The following SNTG1 variants were observed in gnomAD, a reference collection of about 807,000 sequenced individuals.
SNTG1 encodes gamma-1-syntrophin.
SNTG1 carries 39 observed loss-of-function variants against 74.7 expected under a neutral mutation model. That is an observed-to-expected ratio of 0.52 (90% CI 0.40 to 0.68). SNTG1 has a LOEUF of 0.68. Among genes scored for constraint, SNTG1 ranks in the 30% least tolerant of loss-of-function variants. The probability of loss-of-function intolerance (pLI) is 0.00; values close to 1 mark genes in which losing one functional copy is unlikely to be tolerated. For synonymous variants in SNTG1, 254 were observed against 217.1 expected, an observed-to-expected ratio of 1.17 and a Z score of -1.49; for missense variants, 685 against 609.5, an observed-to-expected ratio of 1.12 and a Z score of -1.30.
At chr8:50,660,442 AG>A in intron 15 of SNTG1, among the ~76,000 whole-genome samples, 1 of 144,578 alleles carries the variant, frequency 6.9e-6, no homozygotes, top group African/African-American at 2.6e-5. Context: ...AGAAAGAAAG[AG>A]AAAAAAGAAA....
chr8:50,071,595 C>T (rs559328342), intron 1 of SNTG1, among the ~76,000 whole-genome samples: 102 of 152,108 alleles, frequency 6.7e-4, no homozygotes, highest in African/African-American at 2.2e-3. Flanking sequence ...TCTCCTGCCT[C>T]GGCCTCACGA....
intron 12 of SNTG1, among the ~76,000 whole-genome samples, chr8:50,565,559 A>G: frequency 6.6e-6 from 1 of 152,064 alleles, no homozygotes; most frequent in South Asian, 2.1e-4. Context: ...CAAACTTGTG[A>G]GATGCTTATC....
At chr8:49,988,364 T>C (rs1222344346) in intron 1 of SNTG1, among the ~76,000 whole-genome samples, 1 of 152,186 alleles carries the variant, frequency 6.6e-6, no homozygotes, top group Non-Finnish European at 1.5e-5. Context: ...AAAGCAGCTA[T>C]TATCAATATG....
At chr8:50,393,156 G>A (rs2092684881) in intron 2 of SNTG1, among the ~76,000 whole-genome samples, 2 of 151,938 alleles carry the variant, frequency 1.3e-5, no homozygotes, top group Admixed American at 1.3e-4. Context: ...TTTATCTAGG[G>A]GAAATATTTA....
At chr8:50,522,974 A>G (rs1212012962) in intron 9 of SNTG1, among the ~76,000 whole-genome samples, 1 of 152,182 alleles carries the variant, frequency 6.6e-6, no homozygotes, top group African/African-American at 2.4e-5. Flanking sequence ...ATGAAGCCGT[A>G]TTCATCATTA....
At position 50,782,102 on chromosome 8, in the gene SNTG1, G is replaced by C. The variant is rs533238412; in HGVS notation, c.1396-10569G>C. ...GTTAGTCGGATGGGCTTCCCTTTGT[G>C]GCTAACCCGACCTTTCTCTCTGGCT... is the stretch of plus-strand genomic sequence containing the variant. On this transcript the variant is annotated intron_variant, in intron 18 of 18. Coordinates refer to ENST00000642720, the MANE Select transcript of SNTG1 (RefSeq NM_018967.5). Among the ~76,000 whole-genome samples, 395 of 152,218 alleles carry C rather than the reference G, an allele frequency of 2.6e-3. 4 individuals carry two copies. Among genetic ancestry groups the C allele is most frequent in the South Asian group, 0.012 (59 of 4,820 alleles).
chr8:50,669,393 T>G, intron 15 of SNTG1, among the ~76,000 whole-genome samples: 1 of 152,050 alleles, frequency 6.6e-6, no homozygotes, highest in East Asian at 1.9e-4. Flanking sequence ...CAAACTACCA[T>G]CAGAGAATAC....
chr8:50,336,887 T>C (rs1328694229), intron 2 of SNTG1, among the ~76,000 whole-genome samples: 1 of 152,194 alleles, frequency 6.6e-6, no homozygotes, highest in Non-Finnish European at 1.5e-5. Context: ...AACCCATAGA[T>C]TGTGGCCATT....
chr8:50,032,449 C>T (rs956532779), intron 1 of SNTG1, among the ~76,000 whole-genome samples: 1 of 152,042 alleles, frequency 6.6e-6, no homozygotes, highest in African/African-American at 2.4e-5. Context: ...GAAAACAGCA[C>T]TCATGGTCTA....
intron 2 of SNTG1, among the ~76,000 whole-genome samples, chr8:50,371,752 A>G (rs2092273928): frequency 6.6e-6 from 1 of 152,182 alleles, no homozygotes; most frequent in African/African-American, 2.4e-5. Flanking sequence ...ATTACATCAC[A>G]TCTTCCTGGT....
chr8:49,949,594 G>C (rs1476753117), intron 1 of SNTG1, among the ~76,000 whole-genome samples: 4 of 152,126 alleles, frequency 2.6e-5, no homozygotes. Context: ...TTCATAGATG[G>C]ACTCAGTAAT....
chr8:50,645,547 T>C (rs1039239637), intron 13 of SNTG1, among the ~76,000 whole-genome samples: 3 of 152,140 alleles, frequency 2.0e-5, no homozygotes, highest in East Asian at 1.9e-4. Context: ...AGAAAAGACA[T>C]TGCATATAAA....
At chr8:50,769,486 G>T (rs1355746087) in intron 18 of SNTG1, among the ~76,000 whole-genome samples, 1 of 151,904 alleles carries the variant, frequency 6.6e-6, no homozygotes, top group African/African-American at 2.4e-5. Context: ...TGTTCTCATA[G>T]TAAGGTAATT....
chr8:50,063,604 T>C (rs1378273785), intron 1 of SNTG1, among the ~76,000 whole-genome samples: 1 of 152,226 alleles, frequency 6.6e-6, no homozygotes, highest in Non-Finnish European at 1.5e-5. Context: ...CCTACATTTA[T>C]GACCAAACCA....
intron 4 of SNTG1, among the ~76,000 whole-genome samples, chr8:50,419,889 C>T: frequency 6.6e-6 from 1 of 150,994 alleles, no homozygotes. Flanking sequence ...GAAATAAAAA[C>T]TCAATGGTTG....
At chr8:50,240,849 A>T (rs1019660932) in intron 2 of SNTG1, among the ~76,000 whole-genome samples, 1 of 152,210 alleles carries the variant, frequency 6.6e-6, no homozygotes. Flanking sequence ...TCTAAAATAG[A>T]GGTATTTCCC....
chr8:50,786,002 G>T (rs2095673963), intron 18 of SNTG1, among the ~76,000 whole-genome samples: 1 of 151,918 alleles, frequency 6.6e-6, no homozygotes, highest in Non-Finnish European at 1.5e-5. Flanking sequence ...TTGAAGGAAT[G>T]TATGTGTTCC....
At chr8:50,154,087 C>G (rs983636155) in intron 1 of SNTG1, among the ~76,000 whole-genome samples, 3 of 152,154 alleles carry the variant, frequency 2.0e-5, no homozygotes, top group African/African-American at 7.2e-5. Flanking sequence ...TTTACCTACT[C>G]AAGCCTCAGC....
chr8:50,201,548 C>T (rs995828975), intron 2 of SNTG1, among the ~76,000 whole-genome samples: 17 of 152,014 alleles, frequency 1.1e-4, no homozygotes, highest in East Asian at 1.9e-4. Context: ...TCCTTTCTAG[C>T]GCTGCGTGAC....
Sources: allele counts gnomAD v4.1 joint callset (sites outside exome capture counted in the v4.1 genomes callset), GRCh38; gene constraint gnomAD v4.1.1; transcripts MANE v1.5; gene names NCBI Gene and HGNC (gene_info 2026-07-23, HGNC 2026-07-21).